ANKRD27: variants seen among roughly 807,000 people sequenced by gnomAD.
The protein encoded by ANKRD27 is ankyrin repeat domain-containing protein 27.
Under a neutral mutation model 129.7 loss-of-function variants are expected in ANKRD27, and 112 were observed. The ratio of observed to expected loss-of-function variants is 0.86; its 90% CI spans 0.74 to 1.01. The LOEUF (loss-of-function observed/expected upper bound fraction) is 1.01, where lower values mean the gene tolerates loss of function less well. Among genes scored for constraint, ANKRD27 ranks in the 50% least tolerant of loss-of-function variants. The pLI is 0.00. For synonymous variants in ANKRD27, 516 were observed against 511.2 expected, an observed-to-expected ratio of 1.01 and a Z score of -0.13; for missense variants, 1,258 against 1,300.5, an observed-to-expected ratio of 0.97 and a Z score of 0.50.
At chr19:32,649,639 C>A (rs1967373025) in intron 3 of ANKRD27, 43 bp downstream of exon 3, 1 of 1,373,132 alleles carries the variant, frequency 7.3e-7, no homozygotes, top group African/African-American at 1.4e-5. Flanking sequence ...TGGCCCCAAA[C>A]ACCGAGTAGG....
At position 32,615,710 on chromosome 19, in the gene ANKRD27, G is replaced by A. The variant is rs1360294995; in HGVS notation, c.2123C>T (p.Pro708Leu). The A allele has an allele frequency of 6.2e-7, 1 of 1,614,210 alleles. No individual in the cohort carries two copies. The highest frequency in any genetic ancestry group is 8.5e-7 in the Non-Finnish European group (1 of 1,180,034). Residue 708 changes from proline (P) to leucine (L), a missense_variant, in exon 22 of 29, where the codon CCC becomes CTC. By Grantham distance (98) the Pro-to-Leu change is moderately conservative. Coordinates refer to ENST00000306065, the MANE Select transcript of ANKRD27 (RefSeq NM_032139.3). The stretch of plus-strand genomic sequence containing the variant: ...CTGGCACAACGGGTGACAGAATTCG[G>A]GGTCCGCTGCACTGACAGTGTCCTC... The part of the protein sequence containing the change: ...DAEDTVSAAD[P>L]EFCHPLCQCP...
chr19:32,622,382 T>C (rs757498162), intron 18 of ANKRD27, 40 bp downstream of exon 18: 2 of 1,605,286 alleles, frequency 1.2e-6, no homozygotes, highest in South Asian at 1.1e-5. Flanking sequence ...ATCGATCTTC[T>C]TTCGAAGTCA....
chr19:32,602,601 A>G (rs1440872695), intron 25 of ANKRD27, among the ~76,000 whole-genome samples: 1 of 152,112 alleles, frequency 6.6e-6, no homozygotes, highest in African/African-American at 2.4e-5. Context: ...TCTATTTAAA[A>G]ATAATAAAAG....
intron 18 of ANKRD27, 54 bp downstream of exon 18, chr19:32,622,368 G>A (rs1419435058): frequency 2.8e-5 from 44 of 1,584,052 alleles, no homozygotes; most frequent in African/African-American, 4.0e-5. Flanking sequence ...CCTAAGCTAC[G>A]GACATCGATC....
At position 32,639,834 on chromosome 19, in the gene ANKRD27, G is replaced by A. The variant is rs150966683; in HGVS notation, c.984-346C>T. ...CCAGAACAAGAAATGTAAGCTCTCC[G>A]GGCCTTGGTTTCCCCATCTGTAAGT... On this transcript the variant is annotated intron_variant, in intron 11 of 28. Transcript: ENST00000306065. 4.1e-3 allele frequency among the ~76,000 whole-genome samples: 617 copies of A among 152,270 alleles called. 14 individuals carry two copies. In the South Asian group the frequency reaches 0.063, roughly 16 times the overall value.
In ANKRD27 at chr19:32,639,488, C is replaced by A. The variant is rs1231618082; in HGVS notation, c.984G>T (p.Trp328Cys). 6 of 1,611,372 alleles carry A rather than the reference C, an allele frequency of 3.7e-6. No individual in the cohort carries two copies. Among genetic ancestry groups the A allele is most frequent in the Non-Finnish European group, 5.1e-6 (6 of 1,178,586 alleles). ...TTTTGATGTAACTCAAATTTGCCAT[C>A]CTAATGAAAGGAAGAAAAAAGTTAT... ...YLLVKTEIPNWMANLSYIKNF... is the reference protein window; with the variant it reads ...YLLVKTEIPNCMANLSYIKNF... The change falls in exon 12 of 29, where the codon TGG (tryptophan) becomes TGT (cysteine). Residue 328 changes from tryptophan (W) to cysteine (C), a missense_variant and splice_region_variant. Transcript: ENST00000306065.
Position 32,600,357 on chromosome 19 carries a change from T to C in ANKRD27, c.2768-307A>G, listed in dbSNP as rs150364582. The C allele has an allele frequency of 2.7e-3, 577 of 216,072 alleles. 5 individuals are homozygous for C. The highest frequency in any genetic ancestry group is 0.013 in the African/African-American group (554 of 43,956). The allele number at this position is 216,072 out of a possible 1,614,324, so 13.4% of individuals were successfully genotyped here. ...GAGTTCAAGACCAGCCTGGGCAACA[T>C]GGAGAAACCCCATCTCTACCCAAAA... On this transcript the variant is annotated intron_variant, in intron 26 of 28. Coordinates refer to ENST00000306065, the MANE Select transcript of ANKRD27 (RefSeq NM_032139.3).
chr19:32,604,405 G>A lies in ANKRD27; in HGVS notation c.2513C>T (p.Ala838Val), dbSNP rs751989277. Residue 838 changes from alanine (A) to valine (V), a missense_variant, in exon 25 of 29, where the codon GCT (alanine) becomes GTT (valine). Transcript: ENST00000306065. ...LLLQHGASIN[A>V]SNNKGNTALH... The stretch of plus-strand genomic sequence containing the variant: ...CGCTGTGTTGCCCTTATTGTTAGAA[G>A]CGTTAATGGAGGCCCCGTGCTGGAA... 143 of 1,607,372 alleles carry A rather than the reference G, an allele frequency of 8.9e-5. No individual in the cohort carries two copies. The highest frequency in any genetic ancestry group is 1.1e-4 in the Non-Finnish European group (127 of 1,174,718).
intron 5 of ANKRD27, 132 bp downstream of exon 5, chr19:32,644,193 G>C (rs1012333413): frequency 3.6e-6 from 4 of 1,109,176 alleles, no homozygotes; most frequent in Non-Finnish European, 5.2e-6. Context: ...TTTATAGTTA[G>C]AGAGAAACAT....
intron 22 of ANKRD27, chr19:32,608,318 CTTTTT>C: frequency 4.5e-6 from 1 of 220,240 alleles, no homozygotes; most frequent in Non-Finnish European, 9.4e-6. Context: ...GCTAATTTCA[CTTTTT>C]TTTTTTTCAC....
chr19:32,637,375 A>G (rs1019605562), intron 12 of ANKRD27: 2 of 152,230 alleles, frequency 1.3e-5, no homozygotes, highest in Non-Finnish European at 2.9e-5. Flanking sequence ...CAGGACAACC[A>G]TGGTTCAAGA....
chr19:32,615,773 T>TG lies in ANKRD27; in HGVS notation c.2059_2060insC (p.Tyr687SerfsTer119). 3 of 1,612,816 alleles carry TG rather than the reference T, an allele frequency of 1.9e-6. No individual in the cohort carries two copies. The highest frequency in any genetic ancestry group is 2.5e-6 in the Non-Finnish European group (3 of 1,179,242). ...GTCCTCCTCTGTCCATTCCAACAGG[T>TG]AACGCACCTGGTGATGGAGAGTAAC... is the stretch of plus-strand genomic sequence containing the variant. On this transcript the variant is annotated frameshift_variant, in exon 22 of 29. Transcript: ENST00000306065. LOFTEE classifies it high-confidence loss of function.
At chr19:32,654,751 G>C (rs736451) in intron 2 of ANKRD27, among the ~76,000 whole-genome samples, 11,818 of 152,014 alleles carry the variant, frequency 0.078, 806 homozygotes, top group East Asian at 0.26. Flanking sequence ...CTGCTGATCA[G>C]CACGGGAGGG....
intron 1 of ANKRD27, among the ~76,000 whole-genome samples, chr19:32,674,730 C>G (rs1967948899): frequency 6.6e-6 from 1 of 151,974 alleles, no homozygotes; most frequent in South Asian, 2.1e-4. Flanking sequence ...GCGACCGCCC[C>G]GCGCCCCGCC....
intron 12 of ANKRD27, among the ~76,000 whole-genome samples, chr19:32,633,640 T>C (rs1967039956): frequency 6.6e-6 from 1 of 151,764 alleles, no homozygotes; most frequent in Admixed American, 6.6e-5. Context: ...CTTTCAAAGT[T>C]CTCTCTTTTT....
intron 1 of ANKRD27, among the ~76,000 whole-genome samples, chr19:32,673,849 G>GT (rs1568424690): frequency 6.6e-6 from 1 of 152,038 alleles, no homozygotes; most frequent in Admixed American, 6.6e-5. Flanking sequence ...ATCTCGAAAC[G>GT]TAACAGCTAC....
intron 24 of ANKRD27, 139 bp downstream of exon 24, chr19:32,605,696 C>A: frequency 8.4e-7 from 1 of 1,185,854 alleles, no homozygotes; most frequent in Non-Finnish European, 1.2e-6. Flanking sequence ...AAGACGCACG[C>A]CCTGCTCCTC....
intron 10 of ANKRD27, among the ~76,000 whole-genome samples, chr19:32,640,985 G>A (rs1244771066): frequency 2.0e-5 from 3 of 152,000 alleles, no homozygotes; most frequent in Non-Finnish European, 2.9e-5. Context: ...TGCAAGCTCC[G>A]CCTCCCGGGT....
intron 1 of ANKRD27, among the ~76,000 whole-genome samples, chr19:32,670,350 G>A (rs1967844705): frequency 6.6e-6 from 1 of 152,124 alleles, no homozygotes; most frequent in South Asian, 2.1e-4. Context: ...AAAAAAAGAA[G>A]AAAAAGGACC....
Sources: allele counts gnomAD v4.1 joint callset (sites outside exome capture counted in the v4.1 genomes callset), GRCh38; gene constraint gnomAD v4.1.1; transcripts MANE v1.5; gene names NCBI Gene and HGNC (gene_info 2026-07-23, HGNC 2026-07-21).